CSMD1: variants seen among roughly 807,000 people sequenced by gnomAD.
The protein encoded by CSMD1 is CUB and Sushi multiple domains 1, also known as CUB and sushi domain-containing protein 1.
Under a neutral mutation model 417.5 loss-of-function variants are expected in CSMD1, and 213 were observed. The observed-to-expected ratio is 0.51, with a 90% confidence interval of 0.46 to 0.57. The LOEUF (loss-of-function observed/expected upper bound fraction) is 0.57, where lower values mean the gene tolerates loss of function less well. Among genes scored for constraint, CSMD1 ranks in the 20% least tolerant of loss-of-function variants. The probability of loss-of-function intolerance (pLI) is 0.00; values close to 1 mark genes in which losing one functional copy is unlikely to be tolerated. For synonymous variants in CSMD1, 2,862 were observed against 1,736.8 expected, an observed-to-expected ratio of 1.65 and a Z score of -16.11; for missense variants, 6,923 against 4,529.7, an observed-to-expected ratio of 1.53 and a Z score of -15.17.
intron 1 of CSMD1, among the ~76,000 whole-genome samples, chr8:4,964,164 G>A (rs759295035): frequency 6.6e-6 from 1 of 151,986 alleles, no homozygotes; most frequent in South Asian, 2.1e-4. Flanking sequence ...CAGGACCAAG[G>A]AGGAGATAAG....
intron 2 of CSMD1, among the ~76,000 whole-genome samples, chr8:4,556,745 G>A (rs1016506667): frequency 6.6e-6 from 1 of 152,242 alleles, no homozygotes; most frequent in South Asian, 2.1e-4. Flanking sequence ...GCATCGCAAA[G>A]TCGAAAACCT....
At chr8:4,276,869 G>C (rs1796516703) in intron 3 of CSMD1, among the ~76,000 whole-genome samples, 1 of 152,068 alleles carries the variant, frequency 6.6e-6, no homozygotes, top group Admixed American at 6.6e-5. Context: ...CAGAAAATAA[G>C]TTAAAAACAT....
At chr8:4,401,731 T>C (rs1046214705) in intron 3 of CSMD1, among the ~76,000 whole-genome samples, 1 of 152,090 alleles carries the variant, frequency 6.6e-6, no homozygotes, top group Non-Finnish European at 1.5e-5. Flanking sequence ...TCCCTTAACA[T>C]TCCACCTGAA....
chr8:3,883,638 A>G (rs1194711589), intron 5 of CSMD1, among the ~76,000 whole-genome samples: 1 of 152,164 alleles, frequency 6.6e-6, no homozygotes, highest in Non-Finnish European at 1.5e-5. Flanking sequence ...ATTAAAATTG[A>G]TATCAATTAC....
At chr8:3,026,509 A>T (rs1809940503) in intron 51 of CSMD1, among the ~76,000 whole-genome samples, 1 of 151,160 alleles carries the variant, frequency 6.6e-6, no homozygotes, top group South Asian at 2.1e-4. Context: ...ACTGGACCTC[A>T]CTGGACCTCA....
intron 3 of CSMD1, among the ~76,000 whole-genome samples, chr8:4,330,213 C>CGTCAGATCCACCTGTCAGATCCACCT (rs943341164): frequency 1.3e-5 from 2 of 152,028 alleles, no homozygotes; most frequent in Non-Finnish European, 2.9e-5. Context: ...CCATAACACC[C>CGTCAGATCCACCTGTCAGATCCACCT]GTCAGATCCA....
intron 1 of CSMD1, among the ~76,000 whole-genome samples, chr8:4,744,076 A>G (rs988630373): frequency 6.6e-6 from 1 of 152,192 alleles, no homozygotes; most frequent in Non-Finnish European, 1.5e-5. Flanking sequence ...TGATGATTCA[A>G]TTAAGGCAGG....
chr8:3,241,367 C>A (rs1254610994), intron 26 of CSMD1, among the ~76,000 whole-genome samples: 4 of 151,834 alleles, frequency 2.6e-5, no homozygotes, highest in Non-Finnish European at 5.9e-5. Context: ...GAGTGGGTAG[C>A]CTCCATATTG....
chr8:4,626,025 A>G (rs2724957), intron 2 of CSMD1, among the ~76,000 whole-genome samples: 1 of 151,928 alleles, frequency 6.6e-6, no homozygotes, highest in African/African-American at 2.4e-5. Context: ...TGCTTGGCCA[A>G]CCTTGATATA....
intron 5 of CSMD1, among the ~76,000 whole-genome samples, chr8:3,962,379 C>G (rs573659985): frequency 6.6e-6 from 1 of 152,266 alleles, no homozygotes; most frequent in African/African-American, 2.4e-5. Flanking sequence ...TCAGGCAGCA[C>G]GGGCGTTGTC....
rs980014056 is a variant in CSMD1, at chr8:4,439,885, G to C, written c.303-19820C>G. 3.9e-5 allele frequency among the ~76,000 whole-genome samples: 6 copies of C among 152,222 alleles called. No individual in the cohort carries two copies. In the South Asian group the frequency reaches 6.2e-4, roughly 16 times the overall value. ...GATGGTGTAATGAGATCCCAAAAGA[G>C]AATCAACTACACAACAGTTAACAAG... On this transcript the variant is annotated intron_variant, in intron 2 of 69. Transcript: ENST00000635120.
chr8:4,608,633 C>G (rs954637733), intron 2 of CSMD1, among the ~76,000 whole-genome samples: 2 of 152,206 alleles, frequency 1.3e-5, no homozygotes, highest in African/African-American at 4.8e-5. Context: ...GCAATGCCCG[C>G]CATACATTTT....
At chr8:3,927,020 G>A (rs1480587630) in intron 5 of CSMD1, among the ~76,000 whole-genome samples, 1 of 151,592 alleles carries the variant, frequency 6.6e-6, no homozygotes, top group Non-Finnish European at 1.5e-5. Flanking sequence ...GGCCAAATTG[G>A]CATCTTTAAA....
chr8:4,205,874 T>C (rs574689248), intron 3 of CSMD1, among the ~76,000 whole-genome samples: 1 of 152,164 alleles, frequency 6.6e-6, no homozygotes, highest in African/African-American at 2.4e-5. Flanking sequence ...AAAATGAACT[T>C]CCTATTATGC....
chr8:4,384,093 G>T (rs1312100838), intron 3 of CSMD1, among the ~76,000 whole-genome samples: 1 of 152,064 alleles, frequency 6.6e-6, no homozygotes, highest in East Asian at 1.9e-4. Context: ...TGGTGTTCCT[G>T]TCACACCTAA....
chr8:4,327,698 G>C (rs530041789), intron 3 of CSMD1, among the ~76,000 whole-genome samples: 4 of 152,224 alleles, frequency 2.6e-5, no homozygotes, highest in African/African-American at 9.6e-5. Context: ...TTTACACATA[G>C]GTATTAGAAG....
At chr8:4,098,365 T>C (rs1278716213) in intron 3 of CSMD1, among the ~76,000 whole-genome samples, 1 of 151,920 alleles carries the variant, frequency 6.6e-6, no homozygotes, top group African/African-American at 2.4e-5. Context: ...TCTTCACTAT[T>C]TTTTTTCTAC....
chr8:4,345,635 GAAACACGGTTC>G (rs1800735793), intron 3 of CSMD1, among the ~76,000 whole-genome samples: 1 of 152,072 alleles, frequency 6.6e-6, no homozygotes, highest in African/African-American at 2.4e-5. Context: ...AATAATTACT[GAAACACGGTTC>G]AAATGACTGG....
chr8:4,269,448 A>C (rs1327405977), intron 3 of CSMD1, among the ~76,000 whole-genome samples: 1 of 152,176 alleles, frequency 6.6e-6, no homozygotes, highest in East Asian at 1.9e-4. Context: ...TCTGAAGTTT[A>C]ATCAAGTATT....
Sources: gnomAD v4.1 joint callset for allele counts (sites outside exome capture counted in the v4.1 genomes callset) on GRCh38, gnomAD v4.1.1 for gene constraint, MANE v1.5 for transcripts, NCBI Gene and HGNC (gene_info 2026-07-23, HGNC 2026-07-21) for gene names.